The following KHDRBS3 variants were observed in gnomAD, a reference collection of about 807,000 sequenced individuals.
KHDRBS3 encodes KH domain-containing, RNA-binding, signal transduction-associated protein 3.
KHDRBS3 carries 23 observed loss-of-function variants against 45.6 expected under a neutral mutation model. The ratio of observed to expected loss-of-function variants is 0.50; its 90% confidence interval spans 0.36 to 0.72. KHDRBS3 has a LOEUF of 0.72. Ranked by LOEUF, KHDRBS3 falls within the 30% of genes least tolerant of loss-of-function variation. The pLI is 0.00. For synonymous variants in KHDRBS3, 162 were observed against 156.5 expected, an observed-to-expected ratio of 1.04 and a Z score of -0.26; for missense variants, 352 against 424.8, an observed-to-expected ratio of 0.83 and a Z score of 1.51.
intron 7 of KHDRBS3, among the ~76,000 whole-genome samples, chr8:135,628,069 G>T (rs1247889576): frequency 6.6e-6 from 1 of 152,056 alleles, no homozygotes; most frequent in Non-Finnish European, 1.5e-5. Context: ...TGCTTGGAAT[G>T]ATTTTTTTCT....
At chr8:135,510,082 C>T (rs962867391) in intron 1 of KHDRBS3, among the ~76,000 whole-genome samples, 7 of 150,306 alleles carry the variant, frequency 4.7e-5, no homozygotes, top group Non-Finnish European at 7.4e-5. Context: ...TGGGCTCAAG[C>T]GATTCTCCTG....
At chr8:135,603,496 G>C (rs929117737) in intron 6 of KHDRBS3, among the ~76,000 whole-genome samples, 1 of 152,124 alleles carries the variant, frequency 6.6e-6, no homozygotes, top group Non-Finnish European at 1.5e-5. Flanking sequence ...TCTGCCTTCA[G>C]CTACTATGAA....
chr8:135,506,828 C>T (rs1198024151), intron 1 of KHDRBS3, among the ~76,000 whole-genome samples: 1 of 151,744 alleles, frequency 6.6e-6, no homozygotes, highest in Non-Finnish European at 1.5e-5. Context: ...CTAATTGTAC[C>T]ATTGTTTTTT....
chr8:135,631,287 A>G lies in KHDRBS3; in HGVS notation c.891-13772A>G, dbSNP rs945819188. Among the ~76,000 whole-genome samples the G allele has an allele frequency of 4.0e-5, 6 of 151,562 alleles. No individual in the cohort carries two copies. The South Asian group carries it at 1.0e-3, about 26-fold the overall frequency. ...AAAAAAAAAAAAGGATTTTTCTTCA[A>G]TAATAAATTAACAGCTTACTATAAC... On this transcript the variant is annotated intron_variant, in intron 7 of 8. Coordinates refer to ENST00000355849, the MANE Select transcript of KHDRBS3 (RefSeq NM_006558.3).
chr8:135,635,680 G>T (rs1830781978), intron 7 of KHDRBS3, among the ~76,000 whole-genome samples: 1 of 152,158 alleles, frequency 6.6e-6, no homozygotes, highest in Non-Finnish European at 1.5e-5. Flanking sequence ...ACTGCACCCG[G>T]CCTGGCAGGT....
intron 3 of KHDRBS3, among the ~76,000 whole-genome samples, chr8:135,544,545 A>G (rs1004884461): frequency 6.6e-6 from 1 of 152,080 alleles, no homozygotes; most frequent in Non-Finnish European, 1.5e-5. Flanking sequence ...AGTCGGTGTT[A>G]TGAAGTAATG....
chr8:135,548,737 T>G lies in KHDRBS3; in HGVS notation c.325-17T>G. ...ATGACACGTTTTTAAATGTGATTTCTTTTTTCCTTTTTCCAGGAAGAAGAG... is the reference window on the plus strand; with the variant it reads ...ATGACACGTTTTTAAATGTGATTTCGTTTTTCCTTTTTCCAGGAAGAAGAG... On this transcript the variant is annotated splice_polypyrimidine_tract_variant and intron_variant, in intron 3 of 8. Transcript: ENST00000355849. The G allele has an allele frequency of 6.7e-7, 1 of 1,500,078 alleles. No homozygotes were observed. Among genetic ancestry groups the G allele is most frequent in the Non-Finnish European group, 8.9e-7 (1 of 1,122,194 alleles). The allele number at this position is 1,500,078 out of a possible 1,614,324, so 92.9% of individuals were successfully genotyped here.
rs764529046 is a variant in KHDRBS3, at chr8:135,461,217, G to A, written c.88+3263G>A. Among the ~76,000 whole-genome samples the A allele has an allele frequency of 1.8e-4, 28 of 152,246 alleles. No individual in the cohort carries two copies. The South Asian group carries it at 2.1e-3, about 11-fold the overall frequency. On this transcript the variant is annotated intron_variant, in intron 1 of 8. Coordinates refer to ENST00000355849, the MANE Select transcript of KHDRBS3 (RefSeq NM_006558.3). ...CCTTCTGGGTTTGCGCGATTCTCCC[G>A]CCTCAGCCTCCCGAGTAGCTGGGAC...
chr8:135,606,931 TG>T, intron 6 of KHDRBS3, 23 bp from the exon 7 acceptor site: 24 of 1,569,676 alleles, frequency 1.5e-5, no homozygotes, highest in Non-Finnish European at 2.1e-5. Flanking sequence ...TGAATGTTTT[TG>T]TACTTCTCCT....
chr8:135,480,183 A>G (rs1421427059), intron 1 of KHDRBS3, among the ~76,000 whole-genome samples: 2 of 152,218 alleles, frequency 1.3e-5, no homozygotes, highest in Non-Finnish European at 2.9e-5. Context: ...AAAGTACAAT[A>G]TATGAAAACC....
At chr8:135,493,571 T>C (rs1430924122) in intron 1 of KHDRBS3, among the ~76,000 whole-genome samples, 1 of 152,186 alleles carries the variant, frequency 6.6e-6, no homozygotes, top group Non-Finnish European at 1.5e-5. Flanking sequence ...TATTGGTCTG[T>C]TAATGTAGTG....
At chr8:135,469,215 A>G (rs1347563996) in intron 1 of KHDRBS3, among the ~76,000 whole-genome samples, 2 of 149,212 alleles carry the variant, frequency 1.3e-5, no homozygotes, top group Non-Finnish European at 2.9e-5. Context: ...TCATTCAAAA[A>G]AGGATTTTAT....
chr8:135,485,869 T>TATA (rs56114244), intron 1 of KHDRBS3, among the ~76,000 whole-genome samples: 6 of 143,214 alleles, frequency 4.2e-5, no homozygotes, highest in African/African-American at 1.1e-4. Flanking sequence ...TATATATATA[T>TATA]TTTATTTTTC....
chr8:135,652,557 T>A (rs1831451688), downstream of KHDRBS3, among the ~76,000 whole-genome samples: 1 of 152,162 alleles, frequency 6.6e-6, no homozygotes, highest in African/African-American at 2.4e-5. Context: ...TCAGTGCCAT[T>A]CTCTGCCTGA....
chr8:135,528,243 A>G (rs377510822), intron 2 of KHDRBS3, among the ~76,000 whole-genome samples: 1 of 152,348 alleles, frequency 6.6e-6, no homozygotes, highest in East Asian at 1.9e-4. Flanking sequence ...TGGTTAGGTC[A>G]AGGATCTTTG....
chr8:135,607,075 A>T, intron 7 of KHDRBS3, 38 bp downstream of exon 7: 7 of 1,464,880 alleles, frequency 4.8e-6, no homozygotes, highest in Non-Finnish European at 6.7e-6. Context: ...CCACAACAGA[A>T]ACCATCCCCT....
chr8:135,610,407 A>G (rs778150706), intron 7 of KHDRBS3, among the ~76,000 whole-genome samples: 7 of 151,850 alleles, frequency 4.6e-5, no homozygotes, highest in Admixed American at 3.9e-4. Context: ...CTCTGATTAT[A>G]TATTTATATG....
At chr8:135,549,090 G>A (rs1385759092) in intron 4 of KHDRBS3, 190 bp downstream of exon 4, 5 of 382,950 alleles carry the variant, frequency 1.3e-5, no homozygotes, top group South Asian at 1.4e-4. Flanking sequence ...TATATGAGGT[G>A]TTAGAATTTC....
At chr8:135,638,041 G>GA (rs1830891092) in intron 7 of KHDRBS3, among the ~76,000 whole-genome samples, 1 of 151,842 alleles carries the variant, frequency 6.6e-6, no homozygotes, top group Non-Finnish European at 1.5e-5. Flanking sequence ...CCAAACCTCT[G>GA]AAAAAAACAA....
Sources: allele counts gnomAD v4.1 joint callset (sites outside exome capture counted in the v4.1 genomes callset), GRCh38; gene constraint gnomAD v4.1.1; transcripts MANE v1.5; gene names NCBI Gene and HGNC (gene_info 2026-07-23, HGNC 2026-07-21).